The following NUSAP1 variants were observed in gnomAD, a reference collection of about 807,000 sequenced individuals.
NUSAP1 encodes the protein nucleolar and spindle associated protein 1.
A neutral mutation model predicts 52.8 loss-of-function variants in NUSAP1; 32 were observed. That is an observed-to-expected ratio of 0.61 (90% CI 0.46 to 0.81). The LOEUF is 0.81. Among genes scored for constraint, NUSAP1 ranks in the 40% least tolerant of loss-of-function variants. NUSAP1 has a pLI of 0.00. For missense variants in NUSAP1, 499 were observed against 522.3 expected, an observed-to-expected ratio of 0.96 and a Z score of 0.43; for synonymous variants, 195 against 183.1, an observed-to-expected ratio of 1.06 and a Z score of -0.52.
At chr15:41,363,251 A>T (rs1007197208) in intron 6 of NUSAP1, among the ~76,000 whole-genome samples, 1 of 146,744 alleles carries the variant, frequency 6.8e-6, no homozygotes, top group Non-Finnish European at 1.5e-5. Context: ...ACGCCATTGC[A>T]CTCCAGACTG....
At chr15:41,372,021 G>A (rs1461153891) in intron 8 of NUSAP1, among the ~76,000 whole-genome samples, 1 of 152,134 alleles carries the variant, frequency 6.6e-6, no homozygotes, top group Non-Finnish European at 1.5e-5. Flanking sequence ...GCCCGCCTCG[G>A]CCTACCAAAG....
chr15:41,333,643 C>T (rs2048005813), intron 1 of NUSAP1, among the ~76,000 whole-genome samples: 1 of 152,176 alleles, frequency 6.6e-6, no homozygotes, highest in South Asian at 2.1e-4. Flanking sequence ...AGAGTTGGCC[C>T]GGCGCTGTGG....
Position 41,380,157 on chromosome 15 carries a change from C to A in NUSAP1, c.1297C>A (p.Arg433=), listed in dbSNP as rs768737807. 6.3e-7 allele frequency: 1 copy of A among 1,584,404 alleles called. No homozygotes were observed. The highest frequency in any genetic ancestry group is 1.2e-5 in the South Asian group (1 of 86,402). Residue 433 remains arginine (R), a synonymous_variant, in exon 11 of 11, where the codon CGA becomes AGA. Transcript: ENST00000559596. ...GAAGAAAGCAAAGGTTTTGGGAATG[C>A]GAAGGGGCCTCATTTTGGCTGAAGA... is the stretch of plus-strand genomic sequence containing the variant. ...KEKKAKVLGM[R]RGLILAED
At chr15:41,350,789 T>G (rs1218004107) in intron 3 of NUSAP1, among the ~76,000 whole-genome samples, 199 bp from the exon 4 acceptor site, 1 of 152,204 alleles carries the variant, frequency 6.6e-6, no homozygotes, top group Non-Finnish European at 1.5e-5. Flanking sequence ...TTCCTCTTAA[T>G]GTGCCCTAGT....
intron 4 of NUSAP1, among the ~76,000 whole-genome samples, 165 bp from the exon 5 acceptor site, chr15:41,355,874 G>A (rs534830539): frequency 6.6e-6 from 1 of 151,128 alleles, no homozygotes; most frequent in African/African-American, 2.4e-5. Context: ...GATGGGGTTT[G>A]ATAGTTTATA....
chr15:41,371,134 C>G (rs577269853), intron 7 of NUSAP1, among the ~76,000 whole-genome samples: 76 of 152,262 alleles, frequency 5.0e-4, no homozygotes, highest in African/African-American at 1.8e-3. Flanking sequence ...AAGACCTGTT[C>G]TCACCACTCA....
At chr15:41,378,944 G>GTTATTTTTTTTTTTTTTTTTT (rs2050091479) in intron 10 of NUSAP1, among the ~76,000 whole-genome samples, 1 of 63,270 alleles carries the variant, frequency 1.6e-5, no homozygotes, top group Non-Finnish European at 2.7e-5. Context: ...ACTTATCTTG[G>GTTATTTTTTTTTTTTTTTTTT]TTTTTTTTTT....
chr15:41,350,990 G>A lies in NUSAP1; in HGVS notation c.309G>A (p.Gln103=). Residue 103 remains glutamine, a splice_region_variant and synonymous_variant, in exon 4 of 11, where the codon CAG becomes CAA. Coordinates refer to ENST00000559596, the MANE Select transcript of NUSAP1 (RefSeq NM_016359.5). ...TTATTTCCTTTTTAAATTTGTAGCA[G>A]AATCATTCAGAGATAAAAATAAGTA... ...KTVRVDPDSQ[Q]NHSEIKISNP... 1 of 1,599,604 alleles carries A rather than the reference G, an allele frequency of 6.3e-7. No individual in the cohort carries two copies. Among genetic ancestry groups the A allele is most frequent in the African/African-American group, 1.3e-5 (1 of 74,252 alleles).
chr15:41,352,565 G>C (rs2048815206), intron 4 of NUSAP1, among the ~76,000 whole-genome samples: 1 of 151,730 alleles, frequency 6.6e-6, no homozygotes, highest in Non-Finnish European at 1.5e-5. Flanking sequence ...AGTCTCCCAG[G>C]TAATTTTTAA....
In NUSAP1 at chr15:41,370,069, C is replaced by CA. The variant is rs913171253; in HGVS notation, c.849-1451dup. On this transcript the variant is annotated intron_variant, in intron 7 of 10. Coordinates refer to ENST00000559596, the MANE Select transcript of NUSAP1 (RefSeq NM_016359.5). ...GGGTAACAGTGCGAGACTCCATCTC[C>CA]AAAAAAAGAAGAAAGAAAGAAAGAC... is the stretch of plus-strand genomic sequence containing the variant. Among the ~76,000 whole-genome samples the CA allele has an allele frequency of 6.3e-4, 94 of 148,932 alleles. No individual in the cohort carries two copies. In the Middle Eastern group the frequency reaches 0.014, roughly 23 times the overall value.
intron 1 of NUSAP1, among the ~76,000 whole-genome samples, chr15:41,338,105 T>G (rs569408941): frequency 6.6e-6 from 1 of 151,940 alleles, no homozygotes; most frequent in East Asian, 1.9e-4. Flanking sequence ...GCTAATTTTT[T>G]TGTATTTTTA....
intron 7 of NUSAP1, among the ~76,000 whole-genome samples, chr15:41,367,254 C>T (rs1414411814): frequency 6.6e-6 from 1 of 152,166 alleles, no homozygotes; most frequent in Non-Finnish European, 1.5e-5. Context: ...GTTTCTCAGG[C>T]CCTAGCCACA....
chr15:41,357,154 A>T (rs2049004754), intron 5 of NUSAP1, among the ~76,000 whole-genome samples: 1 of 151,978 alleles, frequency 6.6e-6, no homozygotes, highest in South Asian at 2.1e-4. Flanking sequence ...GATCACCTGA[A>T]GTTGGGAGTT....
chr15:41,338,552 C>T (rs1218697516), intron 1 of NUSAP1, among the ~76,000 whole-genome samples: 1 of 152,212 alleles, frequency 6.6e-6, no homozygotes, highest in East Asian at 1.9e-4. Flanking sequence ...CATCTCCTGA[C>T]CACTGCCTCA....
chr15:41,342,549 T>C (rs1341103911), intron 2 of NUSAP1, 95 bp downstream of exon 2: 1 of 967,296 alleles, frequency 1.0e-6, no homozygotes, highest in African/African-American at 1.7e-5. Context: ...ATTTAAGACA[T>C]GCTGTTGGCC....
At chr15:41,365,642 AT>A (rs2049371540) in intron 7 of NUSAP1, 53 bp downstream of exon 7, 2 of 1,407,284 alleles carry the variant, frequency 1.4e-6, no homozygotes, top group African/African-American at 1.5e-5. Context: ...CATGGACTAT[AT>A]AAAAAAAAAA....
At chr15:41,371,794 G>C (rs2049707859) in intron 8 of NUSAP1, 110 bp downstream of exon 8, 1 of 1,306,086 alleles carries the variant, frequency 7.7e-7, no homozygotes, top group East Asian at 2.6e-5. Flanking sequence ...TTCTGAGATG[G>C]AGTTTCGCTT....
At chr15:41,347,437 C>G (rs996185787) in intron 2 of NUSAP1, among the ~76,000 whole-genome samples, 9 of 152,176 alleles carry the variant, frequency 5.9e-5, no homozygotes, top group African/African-American at 2.2e-4. Flanking sequence ...ATGGCCTCCT[C>G]CCTAACCAAG....
chr15:41,354,307 C>G (rs1464520000), intron 4 of NUSAP1, among the ~76,000 whole-genome samples: 1 of 152,074 alleles, frequency 6.6e-6, no homozygotes, highest in Non-Finnish European at 1.5e-5. Flanking sequence ...AGGATCGAGA[C>G]CAGCCTGGGT....
Sources: allele counts gnomAD v4.1 joint callset (sites outside exome capture counted in the v4.1 genomes callset), GRCh38; gene constraint gnomAD v4.1.1; transcripts MANE v1.5; gene names NCBI Gene and HGNC (gene_info 2026-07-23, HGNC 2026-07-21).